HYAL4: variants seen among roughly 807,000 people sequenced by gnomAD.
HYAL4 encodes hyaluronidase-4.
Under a neutral mutation model 35.2 loss-of-function variants are expected in HYAL4, and 37 were observed. That is an observed-to-expected ratio of 1.05 (90% CI 0.81 to 1.38). The LOEUF (loss-of-function observed/expected upper bound fraction) is 1.38. HYAL4 is among the 40% of genes most tolerant of loss of function. HYAL4 has a pLI of 0.00. For synonymous variants in HYAL4, 198 were observed against 203.2 expected, an observed-to-expected ratio of 0.97 and a Z score of 0.22; for missense variants, 572 against 572.4, an observed-to-expected ratio of 1.00 and a Z score of 0.01.
chr7:123,802,917 C>A, the HYAL4 span, among the ~76,000 whole-genome samples: 9 of 152,158 alleles, frequency 5.9e-5, no homozygotes, highest in African/African-American at 2.2e-4. Flanking sequence ...CATGACTGAC[C>A]TTGCTGGTGT....
chr7:123,769,565 G>T, the HYAL4 span, among the ~76,000 whole-genome samples: 3 of 152,120 alleles, frequency 2.0e-5, no homozygotes, highest in African/African-American at 7.2e-5. Context: ...TGACTGAGGT[G>T]GCTCTCTGCA....
chr7:123,807,733 T>C, the HYAL4 span, among the ~76,000 whole-genome samples: 1 of 151,018 alleles, frequency 6.6e-6, no homozygotes, highest in Non-Finnish European at 1.5e-5. Flanking sequence ...GCCTGGCCTA[T>C]TTTTTATGTA....
the HYAL4 span, among the ~76,000 whole-genome samples, chr7:123,796,661 A>G: frequency 6.6e-6 from 1 of 152,238 alleles, no homozygotes; most frequent in Non-Finnish European, 1.5e-5. Flanking sequence ...AGTATTCATA[A>G]TAGCCAAAAG....
At chr7:123,817,510 C>CTTTTTTTTTTT in the HYAL4 span, among the ~76,000 whole-genome samples, 2 of 122,174 alleles carry the variant, frequency 1.6e-5, no homozygotes, top group Non-Finnish European at 3.3e-5. Flanking sequence ...CATTCTTCTT[C>CTTTTTTTTTTT]TTTTTTTTTT....
At chr7:123,839,979 C>G (rs569659214) in intron 1 of HYAL4, among the ~76,000 whole-genome samples, 18 of 152,222 alleles carry the variant, frequency 1.2e-4, no homozygotes, top group Admixed American at 7.2e-4. Context: ...CATGCAGAAG[C>G]TCTTTAGTTT....
chr7:123,831,573 C>A (rs547665204), intron 1 of HYAL4, among the ~76,000 whole-genome samples: 2 of 152,288 alleles, frequency 1.3e-5, no homozygotes, highest in African/African-American at 4.8e-5. Flanking sequence ...ACATTTTATT[C>A]TATTCCATTT....
At chr7:123,849,305 C>T (rs1806247417) in intron 2 of HYAL4, among the ~76,000 whole-genome samples, 3 of 151,778 alleles carry the variant, frequency 2.0e-5, no homozygotes, top group South Asian at 2.1e-4. Context: ...CTCTCTTTCT[C>T]TTTCTCTCTC....
At chr7:123,871,193 AT>A (rs534769179) in intron 3 of HYAL4, among the ~76,000 whole-genome samples, 923 of 134,546 alleles carry the variant, frequency 6.9e-3, no homozygotes, top group Admixed American at 7.9e-3. Flanking sequence ...TCTGCCCATG[AT>A]TTTTTTTTTT....
chr7:123,841,341 T>C (rs1298572540), upstream of HYAL4, among the ~76,000 whole-genome samples: 2 of 152,032 alleles, frequency 1.3e-5, no homozygotes, highest in Admixed American at 1.3e-4. Flanking sequence ...TGAAGCCAAC[T>C]TGATCCGTGA....
chr7:123,784,669 T>G, the HYAL4 span, among the ~76,000 whole-genome samples: 1 of 152,226 alleles, frequency 6.6e-6, no homozygotes. Flanking sequence ...AGGACTTTCA[T>G]TGTGTGTGTT....
chr7:123,797,753 A>G, the HYAL4 span, among the ~76,000 whole-genome samples: 99 of 152,228 alleles, frequency 6.5e-4, no homozygotes, highest in Non-Finnish European at 9.6e-4. Flanking sequence ...TCTCATCATT[A>G]CTAGACTCTG....
At chr7:123,855,234 A>G (rs1806408604) in intron 2 of HYAL4, among the ~76,000 whole-genome samples, 1 of 152,038 alleles carries the variant, frequency 6.6e-6, no homozygotes, top group African/African-American at 2.4e-5. Flanking sequence ...TGTGAATTTG[A>G]TCCTGTTATT....
chr7:123,810,726 A>G, the HYAL4 span, among the ~76,000 whole-genome samples: 4 of 152,178 alleles, frequency 2.6e-5, no homozygotes, highest in Non-Finnish European at 4.4e-5. Flanking sequence ...TGTGCATTCT[A>G]TGGCTTTTGA....
chr7:123,837,914 A>G (rs1211857436), intron 1 of HYAL4, among the ~76,000 whole-genome samples: 1 of 152,020 alleles, frequency 6.6e-6, no homozygotes, highest in Non-Finnish European at 1.5e-5. Context: ...AATCCAGTCT[A>G]TCGTTGTTGG....
At chr7:123,826,508 T>C (rs1314420455), upstream of HYAL4, among the ~76,000 whole-genome samples, 2 of 152,152 alleles carry the variant, frequency 1.3e-5, no homozygotes, top group African/African-American at 4.8e-5. Flanking sequence ...GGCATTGACA[T>C]TGAAAATTAC....
the HYAL4 span, among the ~76,000 whole-genome samples, chr7:123,775,319 C>G: frequency 1.3e-5 from 2 of 152,062 alleles, no homozygotes; most frequent in Non-Finnish European, 2.9e-5. Flanking sequence ...GTACTAGCTA[C>G]TCAAGAGGCT....
chr7:123,869,843 C>G (rs533440759), intron 3 of HYAL4, among the ~76,000 whole-genome samples: 31 of 148,074 alleles, frequency 2.1e-4, no homozygotes, highest in African/African-American at 6.9e-4. Context: ...GCTCACCCCC[C>G]CCCACCCAGC....
At chr7:123,850,135 C>T (rs1806270427) in intron 2 of HYAL4, among the ~76,000 whole-genome samples, 1 of 152,162 alleles carries the variant, frequency 6.6e-6, no homozygotes, top group Admixed American at 6.5e-5. Context: ...ACAATTGTAG[C>T]AATAGCTAAG....
intron 1 of HYAL4, among the ~76,000 whole-genome samples, chr7:123,834,859 T>G (rs182423363): frequency 5.5e-4 from 84 of 152,314 alleles, no homozygotes; most frequent in Non-Finnish European, 1.0e-3. Context: ...TGTTTTTAAT[T>G]CTGTTTGTGT....
Sources: allele counts gnomAD v4.1 joint callset (sites outside exome capture counted in the v4.1 genomes callset), GRCh38; gene constraint gnomAD v4.1.1; transcripts MANE v1.5; gene names NCBI Gene and HGNC (gene_info 2026-07-23, HGNC 2026-07-21).